The following ABTB3 variants were observed in gnomAD, a reference collection of about 807,000 sequenced individuals.
ABTB3 encodes the protein ankyrin repeat and BTB domain containing 3, also known as ankyrin repeat- and BTB/POZ domain-containing protein 3.
At chr12:107,412,569 C>T in the ABTB3 span, among the ~76,000 whole-genome samples, 3 of 152,052 alleles carry the variant, frequency 2.0e-5, no homozygotes, top group African/African-American at 7.2e-5. Context: ...AAAACTGGGG[C>T]CCCAAGAGAT....
chr12:107,437,612 G>T, the ABTB3 span, among the ~76,000 whole-genome samples: 1 of 151,964 alleles, frequency 6.6e-6, no homozygotes. Context: ...ATGTTGGCCA[G>T]GCTGGTCTCA....
the ABTB3 span, among the ~76,000 whole-genome samples, chr12:107,589,874 G>A: frequency 7.9e-5 from 12 of 152,150 alleles, no homozygotes; most frequent in African/African-American, 2.7e-4. Flanking sequence ...GTGTGTTGGT[G>A]GTACTATAAG....
chr12:107,382,308 G>GC, the ABTB3 span, among the ~76,000 whole-genome samples: 2 of 152,106 alleles, frequency 1.3e-5, no homozygotes, highest in African/African-American at 4.8e-5. Context: ...GATGGGCCAG[G>GC]ACCTGGCACA....
chr12:107,521,092 G>A, the ABTB3 span, among the ~76,000 whole-genome samples: 222 of 152,312 alleles, frequency 1.5e-3, 1 homozygote, highest in Admixed American at 2.5e-3. Context: ...AATATTACGT[G>A]TGTATTCAGG....
chr12:107,542,249 T>A, the ABTB3 span, among the ~76,000 whole-genome samples: 2 of 146,282 alleles, frequency 1.4e-5, no homozygotes, highest in Non-Finnish European at 3.0e-5. Context: ...GAGGCAGGGG[T>A]TGCAGTGAGC....
the ABTB3 span, among the ~76,000 whole-genome samples, chr12:107,555,691 T>C: frequency 6.6e-6 from 1 of 152,248 alleles, no homozygotes; most frequent in East Asian, 1.9e-4. Flanking sequence ...TTAAATAAAC[T>C]CCTCTATACC....
At chr12:107,609,752 C>T in the ABTB3 span, among the ~76,000 whole-genome samples, 12 of 152,330 alleles carry the variant, frequency 7.9e-5, no homozygotes, top group South Asian at 2.1e-3. Flanking sequence ...CCACACAGAC[C>T]ACCTGGGTTC....
chr12:107,617,120 G>C, the ABTB3 span: 1 of 1,614,138 alleles, frequency 6.2e-7, no homozygotes, highest in Non-Finnish European at 8.5e-7. Flanking sequence ...AAGGTGGAAG[G>C]CTCAGTGGAG....
chr12:107,431,286 C>T, the ABTB3 span, among the ~76,000 whole-genome samples: 1 of 152,210 alleles, frequency 6.6e-6, no homozygotes, highest in African/African-American at 2.4e-5. Context: ...TCTGCACTCC[C>T]AGGAGGTCTG....
the ABTB3 span, among the ~76,000 whole-genome samples, chr12:107,599,257 C>A: frequency 6.6e-6 from 1 of 152,188 alleles, no homozygotes; most frequent in Non-Finnish European, 1.5e-5. Flanking sequence ...CTCAGCCTAA[C>A]AAAAACAGAT....
the ABTB3 span, among the ~76,000 whole-genome samples, chr12:107,429,135 G>C: frequency 2.1e-3 from 319 of 152,338 alleles, 4 homozygotes; most frequent in African/African-American, 7.4e-3. Flanking sequence ...CGCACAGAAA[G>C]TGCTGGGCTT....
the ABTB3 span, among the ~76,000 whole-genome samples, chr12:107,539,718 A>G: frequency 1.3e-5 from 2 of 152,216 alleles, no homozygotes; most frequent in Admixed American, 6.5e-5. Context: ...TGCTTATTCA[A>G]TGCCAAGTAT....
the ABTB3 span, among the ~76,000 whole-genome samples, chr12:107,602,967 G>C: frequency 6.6e-6 from 1 of 152,218 alleles, no homozygotes; most frequent in Non-Finnish European, 1.5e-5. Context: ...GACCACCTCG[G>C]TAGCTGCCCT....
chr12:107,341,039 G>A, the ABTB3 span, among the ~76,000 whole-genome samples: 5 of 152,156 alleles, frequency 3.3e-5, no homozygotes, highest in Admixed American at 2.0e-4. Flanking sequence ...ACAGCGGGCC[G>A]TGGGAAGGGC....
At chr12:107,407,575 A>G in the ABTB3 span, among the ~76,000 whole-genome samples, 1 of 152,362 alleles carries the variant, frequency 6.6e-6, no homozygotes, top group South Asian at 2.1e-4. Flanking sequence ...GAGCTGGGGC[A>G]GGTGCCTTCA....
chr12:107,422,422 A>G, the ABTB3 span, among the ~76,000 whole-genome samples: 1 of 152,128 alleles, frequency 6.6e-6, no homozygotes, highest in Admixed American at 6.5e-5. Flanking sequence ...GCCCACTTTG[A>G]ATGCATGGTT....
the ABTB3 span, among the ~76,000 whole-genome samples, chr12:107,377,161 C>T: frequency 1.3e-5 from 2 of 152,262 alleles, no homozygotes; most frequent in Non-Finnish European, 2.9e-5. Flanking sequence ...AGTCTCACCC[C>T]TCTCCCTAGG....
At chr12:107,524,584 G>A in the ABTB3 span, among the ~76,000 whole-genome samples, 4 of 152,164 alleles carry the variant, frequency 2.6e-5, no homozygotes, top group East Asian at 7.7e-4. Flanking sequence ...ACTATGATAA[G>A]TGTTTACAGG....
At chr12:107,488,845 G>T in the ABTB3 span, among the ~76,000 whole-genome samples, 1 of 152,032 alleles carries the variant, frequency 6.6e-6, no homozygotes, top group East Asian at 1.9e-4. Context: ...AAGACCGTTG[G>T]AATGCTATTT....
Sources: allele counts gnomAD v4.1 joint callset (sites outside exome capture counted in the v4.1 genomes callset), GRCh38; gene constraint gnomAD v4.1.1; transcripts MANE v1.5; gene names NCBI Gene and HGNC (gene_info 2026-07-23, HGNC 2026-07-21).